Variants in SHMT1 observed in about 807,000 individuals in gnomAD.
SHMT1 encodes serine hydroxymethyltransferase 1, also known as serine hydroxymethyltransferase, cytosolic.
Under a neutral mutation model 49.0 loss-of-function variants are expected in SHMT1, and 45 were observed. That is an observed-to-expected ratio of 0.92 (90% CI 0.72 to 1.18). The LOEUF is 1.18. SHMT1 is among the 50% of genes most tolerant of loss of function. The probability of loss-of-function intolerance (pLI) is 0.00; values close to 1 mark genes in which losing one functional copy is unlikely to be tolerated. For synonymous variants in SHMT1, 232 were observed against 246.6 expected (o/e 0.94, Z 0.55); for missense variants, 541 against 612.4 (o/e 0.88, Z 1.23).
chr17:18,335,728 CT>C, intron 7 of SHMT1, 53 bp from the exon 8 acceptor site: 1 of 1,304,378 alleles, frequency 7.7e-7, no homozygotes, highest in Non-Finnish European at 1.1e-6. Flanking sequence ...CCCTCTTTTT[CT>C]TTTTAGGCTC....
chr17:18,351,808 G>A (rs551369084), intron 3 of SHMT1, among the ~76,000 whole-genome samples: 1 of 151,688 alleles, frequency 6.6e-6, no homozygotes, highest in South Asian at 2.1e-4. Flanking sequence ...ATGAATAAAC[G>A]ATGTAATTAC....
chr17:18,330,360 T>C (rs2151562415), intron 10 of SHMT1, among the ~76,000 whole-genome samples, 195 bp downstream of exon 10: 1 of 152,230 alleles, frequency 6.6e-6, no homozygotes, highest in South Asian at 2.1e-4. Context: ...GGTCTCGAAT[T>C]CCTGACCTCA....
rs1392120015 is a variant in SHMT1 at position 18,340,606 on chromosome 17, G to A, written c.601+126C>T. ...AAGAAACTAATATATGTAGACCCCA[G>A]AAACTCAGTTATCCAGGGCAGAAAC... On this transcript the variant is annotated intron_variant, in intron 6 of 11. Coordinates refer to ENST00000316694, the MANE Select transcript of SHMT1 (RefSeq NM_004169.5). The surrounding 1 kb of genome is among the most constrained non-coding windows in gnomAD (Gnocchi z 4.5). 1.2e-6 allele frequency: 1 copy of A among 833,110 alleles called. No homozygotes were observed. Among genetic ancestry groups the A allele is most frequent in the African/African-American group, 1.7e-5 (1 of 59,474 alleles). 51.6% of individuals were successfully genotyped at this position (833,110 alleles called of 1,614,324 possible). A position where few individuals can be genotyped will look rare whatever the true frequency, so the allele number is the denominator to read the frequency against.
intron 1 of SHMT1, among the ~76,000 whole-genome samples, chr17:18,357,929 T>C (rs902342803): frequency 6.8e-6 from 1 of 146,442 alleles, no homozygotes; most frequent in Non-Finnish European, 1.5e-5. Context: ...AGTGGCGCGA[T>C]CTCGGCTCAC....
At chr17:18,357,491 C>T (rs751491974) in intron 1 of SHMT1, among the ~76,000 whole-genome samples, 9 of 151,860 alleles carry the variant, frequency 5.9e-5, no homozygotes, top group Non-Finnish European at 1.0e-4. Context: ...TCCAGGATGA[C>T]CACCAGTAGT....
At chr17:18,343,662 G>A (rs1457309751) in intron 5 of SHMT1, among the ~76,000 whole-genome samples, 2 of 144,846 alleles carry the variant, frequency 1.4e-5, no homozygotes, top group African/African-American at 2.6e-5. Context: ...GCTCATGCCT[G>A]TAATACCAGC....
In SHMT1 at chr17:18,340,011, T is replaced by TA; in HGVS notation, c.814+31dup. On this transcript the variant is annotated intron_variant, in intron 7 of 11. Coordinates refer to ENST00000316694, the MANE Select transcript of SHMT1 (RefSeq NM_004169.5). The surrounding 1 kb of genome is among the most constrained non-coding windows in gnomAD (Gnocchi z 4.5). The stretch of plus-strand genomic sequence containing the variant: ...CCCACAGGAGAAATGTAAACCATGG[T>TA]ACCCATCTGTACCCAACATTCGGGA... 2 of 1,597,234 alleles carry TA rather than the reference T, an allele frequency of 1.3e-6. No individual in the cohort carries two copies. The highest frequency in any genetic ancestry group is 1.7e-6 in the Non-Finnish European group (2 of 1,168,986).
intron 10 of SHMT1, 80 bp from the exon 11 acceptor site, chr17:18,329,468 GCAAAAGAGAACT>G: frequency 8.7e-7 from 1 of 1,143,392 alleles, no homozygotes. Context: ...GGACATGTGG[GCAAAAGAGAACT>G]GGCCTGAGGA....
chr17:18,339,049 TAAAAAAAAAAA>T (rs34704448), intron 7 of SHMT1, among the ~76,000 whole-genome samples: 4 of 26,852 alleles, frequency 1.5e-4, no homozygotes, highest in African/African-American at 3.6e-4. Context: ...CAATAAATAC[TAAAAAAAAAAA>T]AAAAAAAAAA....
At chr17:18,348,969 A>C (rs973612001) in intron 3 of SHMT1, among the ~76,000 whole-genome samples, 2 of 150,708 alleles carry the variant, frequency 1.3e-5, no homozygotes, top group Non-Finnish European at 3.0e-5. Flanking sequence ...CTGTCTCAAA[A>C]AAAAAAAAGA....
In SHMT1 at chr17:18,347,584, G is replaced by A. The variant is rs139687918; in HGVS notation, c.431C>T (p.Pro144Leu). Reference protein sequence around the residue: ...PHGRIMGLDLPDGGHLTHGFM... With the variant: ...PHGRIMGLDLLDGGHLTHGFM... ...CCCATGGGTCAGGTGGCCCCCATCC[G>A]GAAGGTCCAGGCCCATGATGCGCCC... is the stretch of plus-strand genomic sequence containing the variant. Residue 144 changes from proline to leucine, a missense_variant, in exon 5 of 12, where the codon CCG (proline) becomes CTG (leucine). Physicochemically the swap from Pro to Leu is moderately conservative, Grantham distance 98. Coordinates refer to ENST00000316694, the MANE Select transcript of SHMT1 (RefSeq NM_004169.5). 17 of 1,614,140 alleles carry A rather than the reference G, an allele frequency of 1.1e-5. No homozygotes were observed. The highest frequency in any genetic ancestry group is 1.6e-4 in the Middle Eastern group (1 of 6,062).
chr17:18,343,137 A>G (rs1308485189), intron 5 of SHMT1, among the ~76,000 whole-genome samples: 2 of 152,104 alleles, frequency 1.3e-5, no homozygotes, highest in African/African-American at 2.4e-5. Flanking sequence ...ACTTGATTCA[A>G]TAGTTCCACA....
At chr17:18,361,583 C>T (rs1408210554) in intron 1 of SHMT1, among the ~76,000 whole-genome samples, 1 of 151,742 alleles carries the variant, frequency 6.6e-6, no homozygotes, top group Non-Finnish European at 1.5e-5. Context: ...GTCAGGAGAT[C>T]GAGACCATCC....
intron 2 of SHMT1, among the ~76,000 whole-genome samples, chr17:18,355,369 C>CAAAA (rs778650524): frequency 8.0e-5 from 5 of 62,740 alleles, no homozygotes; most frequent in African/African-American, 2.4e-4. Flanking sequence ...GACTCTGTCT[C>CAAAA]AAAAAAAAAA....
intron 5 of SHMT1, among the ~76,000 whole-genome samples, chr17:18,344,625 A>G (rs1984892558): frequency 7.2e-6 from 1 of 139,512 alleles, no homozygotes; most frequent in African/African-American, 2.7e-5. Flanking sequence ...TCCCTTTTTA[A>G]TTTAATGGGT....
At chr17:18,330,457 G>A in intron 10 of SHMT1, 98 bp downstream of exon 10, 1 of 933,910 alleles carries the variant, frequency 1.1e-6, no homozygotes, top group Non-Finnish European at 1.8e-6. Flanking sequence ...TTTTATGTGA[G>A]GTCTGTCCCC....
chr17:18,328,808 C>A lies in SHMT1; in HGVS notation c.1394G>T (p.Arg465Leu). ...AGAGGCGAAGCTCTCAACCTCCTCCCGGAGAGCCTGCACGGCCGCCTGGTA... is the reference window on the plus strand; with the variant it reads ...AGAGGCGAAGCTCTCAACCTCCTCCAGGAGAGCCTGCACGGCCGCCTGGTA... ...DKYQAAVQAL[R>L]EEVESFASLF... Residue 465 changes from arginine (R) to leucine (L), a missense_variant, in exon 12 of 12, where the codon CGG becomes CTG. Coordinates refer to ENST00000316694, the MANE Select transcript of SHMT1 (RefSeq NM_004169.5). 2 of 1,608,648 alleles carry A rather than the reference C, an allele frequency of 1.2e-6. No individual in the cohort carries two copies. The highest frequency in any genetic ancestry group is 2.2e-5 in the East Asian group (1 of 44,766).
chr17:18,338,994 A>G (rs1326424536), intron 7 of SHMT1, among the ~76,000 whole-genome samples: 1 of 135,232 alleles, frequency 7.4e-6, no homozygotes, highest in African/African-American at 2.8e-5. Flanking sequence ...CTATTGTCCT[A>G]TGACCCTGCC....
intron 2 of SHMT1, 121 bp downstream of exon 2, chr17:18,355,765 C>T (rs1986181041): frequency 1.4e-6 from 1 of 718,284 alleles, no homozygotes; most frequent in African/African-American, 1.8e-5. Flanking sequence ...CTGCCACCAC[C>T]TCTAAATCCA....
Sources: gnomAD v4.1 joint callset for allele counts (sites outside exome capture counted in the v4.1 genomes callset) on GRCh38, gnomAD v4.1.1 for gene constraint, Gnocchi (gnomAD v3.1) non-coding constraint, MANE v1.5 for transcripts, NCBI Gene and HGNC (gene_info 2026-07-23, HGNC 2026-07-21) for gene names.